Variants in RMST observed in about 807,000 individuals in gnomAD.
RMST encodes long intergenic non-protein coding RNA 54.
intron 11 of RMST, among the ~76,000 whole-genome samples, chr12:97,542,106 GGCTTGGAA>G: frequency 6.6e-6 from 1 of 151,938 alleles, no homozygotes; most frequent in South Asian, 2.1e-4. Flanking sequence ...TATGAAAGTG[GGCTTGGAA>G]GTCAGGTAGC....
At chr12:97,559,213 T>C (rs750542476) in intron 11 of RMST, among the ~76,000 whole-genome samples, 1 of 152,076 alleles carries the variant, frequency 6.6e-6, no homozygotes, top group East Asian at 1.9e-4. Context: ...CCCTTTTGAT[T>C]TCCACTCCTA....
At chr12:97,463,647 T>C in intron 4 of RMST, among the ~76,000 whole-genome samples, 1 of 152,216 alleles carries the variant, frequency 6.6e-6, no homozygotes, top group South Asian at 2.1e-4. Context: ...TCTTAATTTG[T>C]AATTATTTTT....
chr12:97,466,968 T>G (rs1007224124), intron 5 of RMST, among the ~76,000 whole-genome samples: 1 of 152,000 alleles, frequency 6.6e-6, no homozygotes, highest in Non-Finnish European at 1.5e-5. Flanking sequence ...GGAAGAATAT[T>G]TGATATGATA....
At chr12:97,563,482 G>A (rs557125025) in intron 13 of RMST, 1 of 257,424 alleles carries the variant, frequency 3.9e-6, no homozygotes, top group East Asian at 1.4e-4. Context: ...TTGCATCAGT[G>A]ATTTGTCTGT....
chr12:97,516,618 C>G (rs1879963902), intron 10 of RMST, among the ~76,000 whole-genome samples: 1 of 151,728 alleles, frequency 6.6e-6, no homozygotes, highest in Admixed American at 6.6e-5. Flanking sequence ...CACAAGTAAA[C>G]CCTAAAAATA....
chr12:97,517,953 G>A (rs1485315582), intron 10 of RMST, among the ~76,000 whole-genome samples: 1 of 151,942 alleles, frequency 6.6e-6, no homozygotes, highest in Non-Finnish European at 1.5e-5. Context: ...CTCTTCACAG[G>A]ACCTTCACCA....
chr12:97,468,640 C>CGTTA lies in RMST; in HGVS notation n.644+2913_644+2914insGTTA, dbSNP rs1593111874. Among the ~76,000 whole-genome samples the CGTTA allele has an allele frequency of 2.0e-5, 3 of 152,094 alleles. No individual in the cohort carries two copies. In the East Asian group the frequency reaches 5.8e-4, roughly 29 times the overall value. Reference sequence around the variant, plus strand: ...GTTTCCTTAGAGAGATACAAGGTAACACACAGTGGTCAGGAACATATGGTT... The same window carrying CGTTA: ...GTTTCCTTAGAGAGATACAAGGTAACGTTAACACAGTGGTCAGGAACATATGGTT... On this transcript the variant is annotated intron_variant and non_coding_transcript_variant, in intron 5 of 13. Transcript: ENST00000640149.
intron 11 of RMST, among the ~76,000 whole-genome samples, chr12:97,552,388 T>C (rs537386436): frequency 6.6e-6 from 1 of 152,344 alleles, no homozygotes; most frequent in South Asian, 2.1e-4. Context: ...GCATTGTCTT[T>C]TAAAGAAATC....
chr12:97,526,335 C>T (rs1474205920), intron 10 of RMST, among the ~76,000 whole-genome samples: 2 of 152,038 alleles, frequency 1.3e-5, no homozygotes, highest in African/African-American at 2.4e-5. Context: ...ACTTTCATAT[C>T]GGTACTCCTA....
chr12:97,477,147 C>G (rs957591378), intron 5 of RMST, among the ~76,000 whole-genome samples: 1 of 151,984 alleles, frequency 6.6e-6, no homozygotes, highest in African/African-American at 2.4e-5. Flanking sequence ...GGCAGACTAA[C>G]GAGGGTTAAG....
chr12:97,528,073 A>G (rs1226598931), intron 10 of RMST, among the ~76,000 whole-genome samples: 1 of 151,946 alleles, frequency 6.6e-6, no homozygotes, highest in Admixed American at 6.5e-5. Context: ...TACAATTATT[A>G]TTGTTGTTCC....
At chr12:97,554,836 A>C (rs1271376965) in intron 11 of RMST, among the ~76,000 whole-genome samples, 1 of 152,220 alleles carries the variant, frequency 6.6e-6, no homozygotes, top group Non-Finnish European at 1.5e-5. Context: ...GGAATTGATC[A>C]GAATGAAGGC....
chr12:97,503,992 C>G (rs777014270), intron 10 of RMST, among the ~76,000 whole-genome samples: 2 of 152,144 alleles, frequency 1.3e-5, no homozygotes, highest in African/African-American at 2.4e-5. Context: ...ATGGTCCCAT[C>G]TCAACTCAGT....
chr12:97,475,532 G>A (rs1308778281), intron 5 of RMST, among the ~76,000 whole-genome samples: 1 of 150,794 alleles, frequency 6.6e-6, no homozygotes, highest in Non-Finnish European at 1.5e-5. Flanking sequence ...TTCTTCCTCT[G>A]TAAAATAAGG....
intron 5 of RMST, among the ~76,000 whole-genome samples, chr12:97,474,686 T>C (rs1874339059): frequency 7.1e-6 from 1 of 141,460 alleles, no homozygotes; most frequent in African/African-American, 2.6e-5. Flanking sequence ...GGAAATATAG[T>C]ATATGGTTAA....
chr12:97,502,276 A>G (rs143835984), intron 10 of RMST, among the ~76,000 whole-genome samples: 4 of 152,322 alleles, frequency 2.6e-5, no homozygotes, highest in African/African-American at 9.6e-5. Context: ...TCTATTATTT[A>G]AATTTAATGT....
At chr12:97,537,306 C>T (rs1027633328) in intron 11 of RMST, among the ~76,000 whole-genome samples, 1 of 151,238 alleles carries the variant, frequency 6.6e-6, no homozygotes, top group African/African-American at 2.4e-5. Context: ...AGATGTGAAT[C>T]AACTTTACTA....
At chr12:97,543,646 T>C (rs772645471) in intron 11 of RMST, among the ~76,000 whole-genome samples, 21 of 152,132 alleles carry the variant, frequency 1.4e-4, no homozygotes, top group Non-Finnish European at 3.1e-4. Context: ...ATTTATATAA[T>C]GTTTACTATA....
rs1435595035 is a variant in RMST at position 97,477,724 on chromosome 12, G to GC, written n.644+11998dup. Among the ~76,000 whole-genome samples the GC allele has an allele frequency of 2.9e-4, 44 of 152,166 alleles. 1 individual carries two copies. The highest frequency in any genetic ancestry group is 7.4e-5 in the Non-Finnish European group (5 of 68,026). Reference sequence around the variant, plus strand: ...AATGCATGGTTTTTCCTCTGTCTCTGCAATGAGGAAGAGAAAGGATAAGGT... The same window carrying GC: ...AATGCATGGTTTTTCCTCTGTCTCTGCCAATGAGGAAGAGAAAGGATAAGGT... On this transcript the variant is annotated intron_variant and non_coding_transcript_variant, in intron 5 of 13. Coordinates refer to ENST00000640149, the Ensembl canonical transcript of RMST.
Sources: gnomAD v4.1 joint callset for allele counts (sites outside exome capture counted in the v4.1 genomes callset) on GRCh38, gnomAD v4.1.1 for gene constraint, MANE v1.5 for transcripts, NCBI Gene and HGNC (gene_info 2026-07-23, HGNC 2026-07-21) for gene names.